Variants in MCPH1 observed in about 807,000 individuals in gnomAD.
MCPH1 encodes the protein microcephalin.
A neutral mutation model predicts 84.5 loss-of-function variants in MCPH1; 104 were observed. That is an observed-to-expected ratio of 1.23 (90% CI 1.05 to 1.45). The LOEUF is 1.45. Ranked by LOEUF, MCPH1 falls within the 40% of genes most tolerant of loss-of-function variation. The pLI, the probability that MCPH1 is intolerant of heterozygous loss-of-function variation, is 0.00. For synonymous variants in MCPH1, 514 were observed against 366.8 expected, an observed-to-expected ratio of 1.40 and a Z score of -4.58; for missense variants, 1,498 against 1,005.7, an observed-to-expected ratio of 1.49 and a Z score of -6.62.
At chr8:6,609,828 C>CCCCCAA (rs1475345162) in intron 12 of MCPH1, among the ~76,000 whole-genome samples, 2 of 108,742 alleles carry the variant, frequency 1.8e-5, no homozygotes, top group Admixed American at 8.7e-5. Context: ...CGCCCCCCCC[C>CCCCCAA]CACACACAGA....
chr8:6,596,732 A>AT (rs1828956195), intron 12 of MCPH1, among the ~76,000 whole-genome samples: 1 of 152,214 alleles, frequency 6.6e-6, no homozygotes, highest in Non-Finnish European at 1.5e-5. Flanking sequence ...ACGATGCCAA[A>AT]AAACGGTAGA....
intron 12 of MCPH1, among the ~76,000 whole-genome samples, chr8:6,576,593 C>G (rs1827123014): frequency 1.4e-5 from 2 of 145,632 alleles, no homozygotes; most frequent in African/African-American, 5.0e-5. Flanking sequence ...ACTGCAATCT[C>G]CACCTCCCGG....
chr8:6,407,058 C>G, intron 1 of MCPH1: 1 of 351,560 alleles, frequency 2.8e-6, no homozygotes, highest in South Asian at 2.3e-5. Flanking sequence ...CTGCCTGTCC[C>G]CCAAATCCCG....
intron 11 of MCPH1, 113 bp downstream of exon 11, chr8:6,480,989 C>G: frequency 7.9e-7 from 1 of 1,261,382 alleles, no homozygotes; most frequent in Non-Finnish European, 1.1e-6. Flanking sequence ...TGGATCTGCA[C>G]ACTTTCCTGT....
At chr8:6,590,267 T>A (rs1365821725) in intron 12 of MCPH1, among the ~76,000 whole-genome samples, 1 of 151,174 alleles carries the variant, frequency 6.6e-6, no homozygotes, top group Non-Finnish European at 1.5e-5. Context: ...AAATGAGCAA[T>A]AAAGCCAGGA....
At chr8:6,514,712 C>G in intron 12 of MCPH1, 1 of 1,614,078 alleles carries the variant, frequency 6.2e-7, no homozygotes, top group African/African-American at 1.3e-5. Context: ...TGAAAATCAA[C>G]GCTGCCATCC....
chr8:6,425,084 G>T (rs1346147662), intron 3 of MCPH1, among the ~76,000 whole-genome samples: 7 of 152,212 alleles, frequency 4.6e-5, no homozygotes, highest in Non-Finnish European at 8.8e-5. Flanking sequence ...AGGGTAGAAT[G>T]AGAGTCGGTG....
In MCPH1 at chr8:6,444,964, C is replaced by G. The variant is rs1804067422; in HGVS notation, c.1242C>G (p.Asp414Glu). 1.9e-6 allele frequency: 3 copies of G among 1,614,182 alleles called. No individual in the cohort carries two copies. The highest frequency in any genetic ancestry group is 1.1e-5 in the South Asian group (1 of 91,080). Residue 414 changes from aspartate to glutamate, a missense_variant, in exon 8 of 14, where the codon GAC becomes GAG. Transcript: ENST00000344683. ...ALSCGESSYD[D>E]YFSPDNLKER... Reference sequence around the variant, plus strand: ...GCTGTGGGGAGTCTTCATATGATGACTATTTTTCACCTGATAATCTTAAGG... The same window carrying G: ...GCTGTGGGGAGTCTTCATATGATGAGTATTTTTCACCTGATAATCTTAAGG...
Position 6,490,370 on chromosome 8 carries a change from A to G in MCPH1, c.2137-9482A>G, listed in dbSNP as rs146344000. Among the ~76,000 whole-genome samples the G allele has an allele frequency of 1.2e-3, 184 of 152,298 alleles. 2 individuals are homozygous for G. In the East Asian group the frequency reaches 0.03, roughly 25 times the overall value. ...TTCAGCTGTCCATCATTTAGATGTC[A>G]TTTAGATGTTCCTCAGGGACTTTGG... On this transcript the variant is annotated intron_variant, in intron 11 of 13. Transcript: ENST00000344683.
At position 6,592,614 on chromosome 8, in the gene MCPH1, C is replaced by CTTTTTTTTTTTTTTTT. The variant is rs1252024553; in HGVS notation, c.2215-28832_2215-28831insTTTTTTTTTTTTTTTT. Among the ~76,000 whole-genome samples the CTTTTTTTTTTTTTTTT allele has an allele frequency of 2.7e-4, 18 of 65,498 alleles. 1 individual carries two copies. The highest frequency in any genetic ancestry group is 1.4e-3 in the East Asian group (2 of 1,400). The allele number at this position is 65,498 out of a possible 152,430, so 43.0% of individuals were successfully genotyped here. A position where few individuals can be genotyped will look rare whatever the true frequency, so the allele number is the denominator to read the frequency against. ...GTCATCTAGGCTCTCGTTTTTCTTT[C>CTTTTTTTTTTTTTTTT]TTTTTTTTGTTTTTTTTTTTTTTTT... On this transcript the variant is annotated intron_variant, in intron 12 of 13. Coordinates refer to ENST00000344683, the MANE Select transcript of MCPH1 (RefSeq NM_024596.5).
intron 2 of MCPH1, among the ~76,000 whole-genome samples, chr8:6,412,423 T>C (rs1432271158): frequency 6.6e-6 from 1 of 152,234 alleles, no homozygotes; most frequent in African/African-American, 2.4e-5. Context: ...GTTCAAAGAA[T>C]AGTGAATACA....
intron 7 of MCPH1, among the ~76,000 whole-genome samples, chr8:6,442,846 A>G (rs1803723205): frequency 1.3e-5 from 2 of 152,246 alleles, no homozygotes. Context: ...AGCAATGACA[A>G]AGCGCAAGAT....
intron 12 of MCPH1, among the ~76,000 whole-genome samples, chr8:6,511,455 G>GT (rs912568893): frequency 1.3e-5 from 2 of 152,144 alleles, no homozygotes; most frequent in African/African-American, 4.8e-5. Flanking sequence ...ATAGCTTTTA[G>GT]TTTCACTAGA....
Position 6,445,315 on chromosome 8 carries a change from C to G in MCPH1, c.1593C>G (p.Asp531Glu). 1.2e-6 allele frequency: 2 copies of G among 1,614,188 alleles called. No individual in the cohort carries two copies. The highest frequency in any genetic ancestry group is 1.7e-6 in the Non-Finnish European group (2 of 1,180,050). The part of the protein sequence containing the change: ...EGNGFSYTIE[D>E]PALPKGHDDD... ...ATGGCTTTTCTTACACCATTGAGGA[C>G]CCTGCTCTTCCAAAAGGACATGATG... The change falls in exon 8 of 14, where the codon GAC (aspartate) becomes GAG (glutamate). Residue 531 changes from aspartate to glutamate, a missense_variant. Transcript: ENST00000344683.
At chr8:6,514,491 A>G (rs898565982) in intron 12 of MCPH1, among the ~76,000 whole-genome samples, 1 of 152,216 alleles carries the variant, frequency 6.6e-6, no homozygotes, top group African/African-American at 2.4e-5. Flanking sequence ...GTCTGGCTGC[A>G]GCTTTTGTTT....
At chr8:6,458,300 G>A (rs932638977) in intron 9 of MCPH1, among the ~76,000 whole-genome samples, 7 of 151,924 alleles carry the variant, frequency 4.6e-5, no homozygotes, top group Admixed American at 1.3e-4. Flanking sequence ...GTGAAACCCC[G>A]TCTCTACTAG....
chr8:6,538,695 A>G lies in MCPH1; in HGVS notation c.2214+38766A>G, dbSNP rs539326949. Among the ~76,000 whole-genome samples, 8 of 152,308 alleles carry G rather than the reference A, an allele frequency of 5.3e-5. No individual in the cohort carries two copies. In the South Asian group the frequency reaches 1.4e-3, roughly 28 times the overall value. On this transcript the variant is annotated intron_variant, in intron 12 of 13. Coordinates refer to ENST00000344683, the MANE Select transcript of MCPH1 (RefSeq NM_024596.5). ...TACTCGTTTTGTGTTTCCTTTTGAT[A>G]TCAAAACCATTTTGTATTTGTGTCA...
chr8:6,617,819 G>A (rs1265862116), intron 12 of MCPH1, among the ~76,000 whole-genome samples: 4 of 152,028 alleles, frequency 2.6e-5, no homozygotes, highest in African/African-American at 7.3e-5. Context: ...GGAAACTATA[G>A]GCATGTGACA....
chr8:6,564,849 A>C (rs1377423942), intron 12 of MCPH1, among the ~76,000 whole-genome samples: 4 of 152,236 alleles, frequency 2.6e-5, no homozygotes, highest in African/African-American at 9.6e-5. Context: ...AGATCTTGCT[A>C]CTGAACATTG....
Sources: allele counts gnomAD v4.1 joint callset (sites outside exome capture counted in the v4.1 genomes callset), GRCh38; gene constraint gnomAD v4.1.1; transcripts MANE v1.5; gene names NCBI Gene and HGNC (gene_info 2026-07-23, HGNC 2026-07-21).